MMS22L: variants seen among roughly 807,000 people sequenced by gnomAD.
MMS22L encodes the protein MMS22 like, DNA repair protein.
In MMS22L, 74 loss-of-function variants were observed where a neutral mutation model predicts 159.1. That is an observed-to-expected ratio of 0.47 (90% CI 0.39 to 0.56). MMS22L has a LOEUF of 0.56. MMS22L is among the 20% of genes least tolerant of loss of function. The pLI is 0.00. For synonymous variants in MMS22L, 517 were observed against 506.9 expected, an observed-to-expected ratio of 1.02 and a Z score of -0.27; for missense variants, 1,351 against 1,422.1, an observed-to-expected ratio of 0.95 and a Z score of 0.80.
chr6:97,180,188 G>A (rs1196332858), intron 16 of MMS22L, among the ~76,000 whole-genome samples: 1 of 151,384 alleles, frequency 6.6e-6, no homozygotes, highest in Non-Finnish European at 1.5e-5. Context: ...TGCAAGCTCT[G>A]CCTCCCGGGT....
Position 97,245,850 on chromosome 6 carries a change from GACACACAC to G in MMS22L, c.1182+770_1182+777del, listed in dbSNP as rs56380746. 182 of 116,422 alleles carry G rather than the reference GACACACAC, an allele frequency of 1.6e-3. 2 individuals are homozygous for G. The highest frequency in any genetic ancestry group is 0.013 in the Admixed American group (154 of 11,536). The allele number at this position is 116,422 out of a possible 1,614,324, so 7.2% of individuals were successfully genotyped here. ...TTTTTCCAAAGACATAGCTACTACA[GACACACAC>G]ACACACACACACACACACACACACA... On this transcript the variant is annotated intron_variant, in intron 11 of 24. Transcript: ENST00000683635.
At chr6:97,279,611 C>G (rs923884065) in intron 3 of MMS22L, among the ~76,000 whole-genome samples, 1 of 151,764 alleles carries the variant, frequency 6.6e-6, no homozygotes, top group Admixed American at 6.6e-5. Flanking sequence ...ATGGTGAGAC[C>G]CCATCTCTAC....
chr6:97,184,571 G>A (rs529089010), intron 15 of MMS22L, among the ~76,000 whole-genome samples: 74 of 152,090 alleles, frequency 4.9e-4, no homozygotes, highest in African/African-American at 1.7e-3. Flanking sequence ...CTCAGCAAAT[G>A]GCTATAGTTA....
At chr6:97,167,214 A>AC (rs1803044774) in intron 20 of MMS22L, among the ~76,000 whole-genome samples, 1 of 152,064 alleles carries the variant, frequency 6.6e-6, no homozygotes, top group Non-Finnish European at 1.5e-5. Flanking sequence ...CTTCATCCCG[A>AC]CATCTCCAGG....
intron 23 of MMS22L, 32 bp downstream of exon 23, chr6:97,151,739 T>C (rs1357363750): frequency 1.3e-6 from 2 of 1,558,062 alleles, no homozygotes; most frequent in Admixed American, 1.7e-5. Context: ...CTGGCAATAG[T>C]TTCCTTGCCA....
chr6:97,230,040 T>C (rs1395889476), intron 13 of MMS22L, among the ~76,000 whole-genome samples: 2 of 152,190 alleles, frequency 1.3e-5, no homozygotes, highest in Admixed American at 6.5e-5. Context: ...ATTAAGGGGT[T>C]AGAATTGAAA....
intron 11 of MMS22L, among the ~76,000 whole-genome samples, chr6:97,236,316 C>A (rs1354976198): frequency 7.3e-5 from 7 of 96,078 alleles, no homozygotes; most frequent in African/African-American, 2.7e-4. Context: ...GAGTGACACT[C>A]TTTCTCCAAA....
At chr6:97,156,101 G>C (rs1043640474) in intron 22 of MMS22L, among the ~76,000 whole-genome samples, 2 of 152,004 alleles carry the variant, frequency 1.3e-5, no homozygotes, top group East Asian at 3.9e-4. Flanking sequence ...GCATTTTTTC[G>C]TAAGTTTTTT....
At chr6:97,202,229 T>C (rs1260394018) in intron 14 of MMS22L, among the ~76,000 whole-genome samples, 1 of 152,180 alleles carries the variant, frequency 6.6e-6, no homozygotes, top group African/African-American at 2.4e-5. Flanking sequence ...CAGTTTACTA[T>C]TCAGGCCTTC....
At chr6:97,162,749 C>T (rs1468195316) in intron 21 of MMS22L, among the ~76,000 whole-genome samples, 1 of 151,926 alleles carries the variant, frequency 6.6e-6, no homozygotes, top group East Asian at 1.9e-4. Flanking sequence ...AAATTTAGTA[C>T]TAGAACTCAA....
At chr6:97,270,464 G>A (rs1815615967) in intron 6 of MMS22L, 2 of 293,144 alleles carry the variant, frequency 6.8e-6, no homozygotes, top group South Asian at 3.0e-5. Flanking sequence ...AGTTAAAAGA[G>A]GTGAAAAAAT....
In MMS22L at chr6:97,179,372, AC is replaced by A. The variant is rs768795015; in HGVS notation, c.2536+35del. The stretch of plus-strand genomic sequence containing the variant: ...AGACAGCAAATAGCTTTCCATAGAT[AC>A]CCCCATCCTCCCCAAAAAACGTACA... On this transcript the variant is annotated intron_variant, in intron 17 of 24. Coordinates refer to ENST00000683635, the MANE Select transcript of MMS22L (RefSeq NM_001350599.2). The A allele has an allele frequency of 4.4e-6, 7 of 1,573,380 alleles. No individual in the cohort carries two copies. In the Admixed American group the frequency reaches 7.2e-5, roughly 16 times the overall value.
At position 97,231,664 on chromosome 6, in the gene MMS22L, G is replaced by GA. The variant is rs34952523; in HGVS notation, c.1303-13dup. 2.6e-6 allele frequency: 4 copies of GA among 1,511,846 alleles called. No individual in the cohort carries two copies. The highest frequency in any genetic ancestry group is 3.6e-5 in the Admixed American group (2 of 55,764). 93.7% of individuals were successfully genotyped at this position (1,511,846 alleles called of 1,614,324 possible). Reference sequence around the variant, plus strand: ...CTGAAGGAACTATTCTAAAAGGGGGGAAAAAAAAGATAGAAAACAATTATT... The same window carrying GA: ...CTGAAGGAACTATTCTAAAAGGGGGGAAAAAAAAAGATAGAAAACAATTATT... On this transcript the variant is annotated splice_polypyrimidine_tract_variant and intron_variant, in intron 12 of 24. Transcript: ENST00000683635.
intron 11 of MMS22L, among the ~76,000 whole-genome samples, chr6:97,242,345 A>G (rs1254750722): frequency 2.0e-5 from 3 of 152,176 alleles, no homozygotes; most frequent in Non-Finnish European, 4.4e-5. Context: ...TTATCATTAC[A>G]TAATGTCCCT....
chr6:97,251,630 A>C (rs1813243216), intron 10 of MMS22L, among the ~76,000 whole-genome samples: 1 of 152,204 alleles, frequency 6.6e-6, no homozygotes, highest in Non-Finnish European at 1.5e-5. Flanking sequence ...CCTTCTACAT[A>C]AAATATGTGA....
intron 21 of MMS22L, among the ~76,000 whole-genome samples, chr6:97,163,446 A>C (rs1472895881): frequency 1.3e-5 from 2 of 152,022 alleles, no homozygotes; most frequent in Non-Finnish European, 2.9e-5. Flanking sequence ...TGAGTATTAA[A>C]AAAAAAGCCT....
At chr6:97,256,842 G>T (rs1813870686) in intron 9 of MMS22L, among the ~76,000 whole-genome samples, 1 of 152,130 alleles carries the variant, frequency 6.6e-6, no homozygotes. Flanking sequence ...AGCTACTAAG[G>T]AGTCTGAGAC....
At chr6:97,181,100 G>A (rs1804659212) in intron 16 of MMS22L, among the ~76,000 whole-genome samples, 1 of 152,110 alleles carries the variant, frequency 6.6e-6, no homozygotes, top group Non-Finnish European at 1.5e-5. Context: ...AGAAAAGCAA[G>A]GGCTTATTAT....
chr6:97,246,242 C>A, intron 11 of MMS22L: 1 of 423,746 alleles, frequency 2.4e-6, no homozygotes, highest in Non-Finnish European at 4.6e-6. Context: ...GCCTGTAAGA[C>A]AAATTGCTCA....
Sources: allele counts gnomAD v4.1 joint callset (sites outside exome capture counted in the v4.1 genomes callset), GRCh38; gene constraint gnomAD v4.1.1; transcripts MANE v1.5; gene names NCBI Gene and HGNC (gene_info 2026-07-23, HGNC 2026-07-21).